ANO10: variants seen among roughly 807,000 people sequenced by gnomAD.
ANO10 encodes the protein anoctamin-10.
ANO10 carries 77 observed loss-of-function variants against 74.7 expected under a neutral mutation model. The ratio of observed to expected loss-of-function variants is 1.03; its 90% CI spans 0.86 to 1.25. ANO10 has a LOEUF of 1.25. Ranked by LOEUF, ANO10 falls within the 50% of genes most tolerant of loss-of-function variation. The pLI is 0.00. For synonymous variants in ANO10, 279 were observed against 284.9 expected (o/e 0.98, Z 0.21); for missense variants, 721 against 778.1 (o/e 0.93, Z 0.87).
intron 11 of ANO10, among the ~76,000 whole-genome samples, chr3:43,490,946 A>G (rs1393479729): frequency 6.6e-6 from 1 of 152,198 alleles, no homozygotes; most frequent in Non-Finnish European, 1.5e-5. Context: ...ACTGGTGAGC[A>G]GCAGCTTCCC....
intron 11 of ANO10, among the ~76,000 whole-genome samples, chr3:43,514,723 G>A (rs1248352408): frequency 1.3e-5 from 2 of 152,066 alleles, no homozygotes; most frequent in African/African-American, 2.4e-5. Context: ...CCCATATTAT[G>A]GGACATTAAA....
At chr3:43,691,311 TC>T (rs2084376279) in intron 1 of ANO10, 1 of 307,126 alleles carries the variant, frequency 3.3e-6, no homozygotes, top group African/African-American at 2.2e-5. Context: ...GCGCGGAGGG[TC>T]CGCCCCGTTG....
intron 11 of ANO10, among the ~76,000 whole-genome samples, chr3:43,439,204 T>C (rs1037063896): frequency 3.3e-5 from 5 of 151,634 alleles, no homozygotes; most frequent in Non-Finnish European, 5.9e-5. Flanking sequence ...AGCAAGAAGA[T>C]TGGGGGCCAG....
At chr3:43,441,237 AAAGT>A (rs1299847699) in intron 11 of ANO10, among the ~76,000 whole-genome samples, 3 of 151,942 alleles carry the variant, frequency 2.0e-5, no homozygotes, top group Admixed American at 6.6e-5. Flanking sequence ...AAAATCAACA[AAAGT>A]AAGAGTTGGT....
intron 12 of ANO10, among the ~76,000 whole-genome samples, chr3:43,424,249 T>C (rs2092864451): frequency 6.6e-6 from 1 of 152,232 alleles, no homozygotes; most frequent in Non-Finnish European, 1.5e-5. Flanking sequence ...AGGGATCTGA[T>C]CTAACCAACT....
chr3:43,554,696 A>G (rs2149325190), intron 10 of ANO10, among the ~76,000 whole-genome samples: 1 of 152,096 alleles, frequency 6.6e-6, no homozygotes, highest in South Asian at 2.1e-4. Flanking sequence ...ATTCCTCATT[A>G]TTGCTGGGCA....
chr3:43,561,134 T>C, intron 9 of ANO10, 86 bp downstream of exon 9: 3 of 1,448,876 alleles, frequency 2.1e-6, no homozygotes, highest in African/African-American at 1.4e-5. Flanking sequence ...ACATCTGAGA[T>C]CATGAATGTA....
intron 11 of ANO10, among the ~76,000 whole-genome samples, chr3:43,535,837 A>G (rs1424100934): frequency 6.6e-6 from 1 of 152,240 alleles, no homozygotes; most frequent in Non-Finnish European, 1.5e-5. Flanking sequence ...GGCTTTAAAG[A>G]TTAAGTCTCT....
At chr3:43,691,312 C>G (rs1468313249) in intron 1 of ANO10, 1 of 324,490 alleles carries the variant, frequency 3.1e-6, no homozygotes, top group Non-Finnish European at 5.6e-6. Context: ...CGCGGAGGGT[C>G]CGCCCCGTTG....
intron 12 of ANO10, among the ~76,000 whole-genome samples, chr3:43,416,158 C>T (rs148800635): frequency 7.9e-4 from 120 of 152,316 alleles, no homozygotes; most frequent in African/African-American, 2.6e-3. Flanking sequence ...GTGACTAAAA[C>T]CAGACTTGCA....
At chr3:43,631,755 T>TAA (rs373728765) in intron 1 of ANO10, among the ~76,000 whole-genome samples, 6 of 114,926 alleles carry the variant, frequency 5.2e-5, no homozygotes, top group African/African-American at 1.6e-4. Flanking sequence ...AAAGTGCTTA[T>TAA]AAAAAAAAAA....
chr3:43,610,680 T>C (rs767099269), intron 1 of ANO10, among the ~76,000 whole-genome samples: 9 of 152,224 alleles, frequency 5.9e-5, no homozygotes, highest in Non-Finnish European at 1.2e-4. Flanking sequence ...CATGCATGTG[T>C]CTGCAAATTA....
chr3:43,664,211 C>A (rs1253237040), intron 1 of ANO10, among the ~76,000 whole-genome samples: 1 of 152,094 alleles, frequency 6.6e-6, no homozygotes, highest in Admixed American at 6.6e-5. Flanking sequence ...GAACGGAGTC[C>A]TCAGAAATAA....
chr3:43,668,862 T>G (rs1380285893), intron 1 of ANO10, among the ~76,000 whole-genome samples: 2 of 152,226 alleles, frequency 1.3e-5, no homozygotes, highest in African/African-American at 4.8e-5. Flanking sequence ...TCTTTGTTCC[T>G]GTTTTTATAT....
intron 1 of ANO10, among the ~76,000 whole-genome samples, chr3:43,615,836 G>C (rs2083073726): frequency 1.3e-5 from 2 of 151,962 alleles, no homozygotes. Context: ...TGTATTTTTA[G>C]TAGAGACAGG....
chr3:43,400,754 T>C (rs2092465959), intron 12 of ANO10, among the ~76,000 whole-genome samples: 1 of 152,068 alleles, frequency 6.6e-6, no homozygotes. Context: ...AACTCCAGCC[T>C]GGGAGAGTGA....
intron 11 of ANO10, among the ~76,000 whole-genome samples, chr3:43,436,905 G>C (rs2093076607): frequency 6.6e-6 from 1 of 152,170 alleles, no homozygotes; most frequent in Admixed American, 6.5e-5. Flanking sequence ...TTAGAATTCT[G>C]AAAAGCAGAT....
intron 1 of ANO10, among the ~76,000 whole-genome samples, chr3:43,666,928 G>A (rs2083998917): frequency 6.6e-6 from 1 of 151,656 alleles, no homozygotes; most frequent in South Asian, 2.1e-4. Context: ...ATGTTAGCAT[G>A]GTATATCTTT....
intron 4 of ANO10, among the ~76,000 whole-genome samples, chr3:43,591,860 G>A (rs140890724): frequency 7.9e-5 from 12 of 152,198 alleles, no homozygotes; most frequent in Non-Finnish European, 1.3e-4. Flanking sequence ...AAGGGAAGCC[G>A]TGACAGATGG....
Sources: gnomAD v4.1 joint callset for allele counts (sites outside exome capture counted in the v4.1 genomes callset) on GRCh38, gnomAD v4.1.1 for gene constraint, MANE v1.5 for transcripts, NCBI Gene and HGNC (gene_info 2026-07-23, HGNC 2026-07-21) for gene names.